Variants in LTF observed in about 807,000 individuals in gnomAD.
LTF encodes the protein epididymis luminal protein 110.
Under a neutral mutation model 87.2 loss-of-function variants are expected in LTF, and 91 were observed. The observed-to-expected ratio is 1.04, with a 90% CI of 0.88 to 1.24. The LOEUF (loss-of-function observed/expected upper bound fraction) is 1.24. Among genes scored for constraint, LTF ranks in the 50% most tolerant of loss-of-function variants. The probability of loss-of-function intolerance (pLI) is 0.00; values close to 1 mark genes in which losing one functional copy is unlikely to be tolerated. For missense variants in LTF, 901 were observed against 904.3 expected (o/e 1.00, Z 0.05); for synonymous variants, 378 against 356.1 (o/e 1.06, Z -0.69).
At chr3:46,448,366 C>T (rs1702707210) in intron 9 of LTF, among the ~76,000 whole-genome samples, 1 of 100,110 alleles carries the variant, frequency 1.0e-5, no homozygotes, top group Non-Finnish European at 2.0e-5. Flanking sequence ...GAATCTGTCT[C>T]TTAAAAAAAA....
chr3:46,439,985 G>A (rs1702479336), intron 14 of LTF, among the ~76,000 whole-genome samples: 1 of 152,170 alleles, frequency 6.6e-6, no homozygotes, highest in Non-Finnish European at 1.5e-5. Context: ...TATGGAGACA[G>A]AAAGTGGATT....
chr3:46,438,098 G>A lies in LTF; in HGVS notation c.1940C>T (p.Pro647Leu), dbSNP rs200322960. The change falls in exon 16 of 17, where the codon CCG becomes CTG. Residue 647 changes from proline to leucine, a missense_variant. By Grantham distance (98) the Pro-to-Leu change is moderately conservative. Coordinates refer to ENST00000231751, the MANE Select transcript of LTF (RefSeq NM_002343.6). The stretch of plus-strand genomic sequence containing the variant: ...AGACTGGAATAAGCAAAACTTGTCC[G>A]GGCAGTCAGATCCATTTCTCCCAAA... Reference protein sequence around the residue: ...AKFGRNGSDCPDKFCLFQSET... With the variant: ...AKFGRNGSDCLDKFCLFQSET... 210 of 1,613,578 alleles carry A rather than the reference G, an allele frequency of 1.3e-4. No individual in the cohort carries two copies. The highest frequency in any genetic ancestry group is 4.8e-4 in the Admixed American group (29 of 59,884).
At chr3:46,440,524 C>T (rs1174857354) in intron 14 of LTF, among the ~76,000 whole-genome samples, 2 of 152,162 alleles carry the variant, frequency 1.3e-5, no homozygotes, top group Non-Finnish European at 2.9e-5. Flanking sequence ...GTGCAGATGC[C>T]GGCTCATTGT....
At chr3:46,448,704 A>T (rs771731553) in intron 9 of LTF, among the ~76,000 whole-genome samples, 159 bp downstream of exon 9, 3 of 152,156 alleles carry the variant, frequency 2.0e-5, no homozygotes, top group African/African-American at 7.2e-5. Context: ...TGCTTTTTGA[A>T]ACTAAAATGC....
In LTF at chr3:46,450,527, C is replaced by A. The variant is rs749807712; in HGVS notation, c.850G>T (p.Asp284Tyr). Residue 284 changes from aspartate to tyrosine, a missense_variant, in exon 7 of 17, where the codon GAT becomes TAT. Physicochemically the swap from Asp to Tyr is radical, Grantham distance 160. Coordinates refer to ENST00000231751, the MANE Select transcript of LTF (RefSeq NM_002343.6). ...TGGCGGAGAAGATTCCAGATGGCAT[C>A]CTCCTTGCCATTCACACTTCGTGCC... ...VVARSVNGKE[D>Y]AIWNLLRQAQ... is the part of the protein sequence containing the mutation. 6.2e-7 allele frequency: 1 copy of A among 1,613,684 alleles called. No homozygotes were observed. The highest frequency in any genetic ancestry group is 2.2e-5 in the East Asian group (1 of 44,872).
chr3:46,454,443 C>T, intron 5 of LTF, 83 bp from the exon 6 acceptor site: 4 of 1,172,840 alleles, frequency 3.4e-6, no homozygotes, highest in Non-Finnish European at 5.1e-6. Context: ...TGGCACTCAG[C>T]ATCTATGGGT....
chr3:46,466,750 C>A (rs1464642855), upstream of LTF, among the ~76,000 whole-genome samples: 1 of 152,178 alleles, frequency 6.6e-6, no homozygotes, highest in Non-Finnish European at 1.5e-5. Context: ...GCAATAAGTT[C>A]TTTCAAAAAT....
chr3:46,467,664 T>A (rs1422378473), upstream of LTF, among the ~76,000 whole-genome samples: 2 of 112,154 alleles, frequency 1.8e-5, no homozygotes, highest in East Asian at 6.2e-4. Context: ...TTTTTTTTTT[T>A]ACCGACAGGG....
Position 46,447,324 on chromosome 3 carries a change from G to T in LTF, c.1287C>A (p.Val429=), listed in dbSNP as rs149744272. The stretch of plus-strand genomic sequence containing the variant: ...TCCACTTACTGTAGTTCTCTGCCAG[G>T]ACAGGCACCAAACCACATTTGCCTG... ...YTAGKCGLVP[V]LAENYKSQQS... Residue 429 remains valine (V), a synonymous_variant, in exon 10 of 17, where the codon GTC becomes GTA. Transcript: ENST00000231751. 1 of 1,613,778 alleles carries T rather than the reference G, an allele frequency of 6.2e-7. No homozygotes were observed. Among genetic ancestry groups the T allele is most frequent in the Non-Finnish European group, 8.5e-7 (1 of 1,179,802 alleles).
chr3:46,440,728 G>A (rs111318975), intron 14 of LTF, among the ~76,000 whole-genome samples: 9,073 of 152,244 alleles, frequency 0.06, 916 homozygotes, highest in African/African-American at 0.21. Flanking sequence ...GAAGGAGGGA[G>A]GCCGAAAGTG....
chr3:46,479,061 A>C (rs1267495967), intron 1 of LTF, among the ~76,000 whole-genome samples: 1 of 152,254 alleles, frequency 6.6e-6, no homozygotes, highest in Non-Finnish European at 1.5e-5. Flanking sequence ...CCCCAAGGGC[A>C]ACAGACAAGG....
At chr3:46,480,759 A>C (rs1474650472) in intron 1 of LTF, among the ~76,000 whole-genome samples, 1 of 152,228 alleles carries the variant, frequency 6.6e-6, no homozygotes, top group East Asian at 1.9e-4. Context: ...CACCATTGTC[A>C]GTACACAAAA....
Position 46,443,488 on chromosome 3 carries a change from G to A in LTF, c.1608C>T (p.Cys536=), listed in dbSNP as rs376334318. ...AGTATCTCTCGTTGCTGTTGGGCACGCACTTATTCTCACCCTGCTCGTCGC... is the reference window on the plus strand; with the variant it reads ...AGTATCTCTCGTTGCTGTTGGGCACACACTTATTCTCACCCTGCTCGTCGC... ...CIGDEQGENK[C]VPNSNERYYG... is the part of the protein sequence containing the mutation. The change falls in exon 13 of 17, where the codon TGC becomes TGT. Residue 536 remains cysteine (C), a synonymous_variant. Transcript: ENST00000231751. 1.7e-4 allele frequency: 275 copies of A among 1,614,148 alleles called. No homozygotes were observed. The highest frequency in any genetic ancestry group is 5.5e-4 in the South Asian group (50 of 91,086).
chr3:46,472,527 T>TGTGTGAGA (rs1402389714), intron 1 of LTF, among the ~76,000 whole-genome samples: 9 of 130,826 alleles, frequency 6.9e-5, no homozygotes, highest in South Asian at 4.9e-4. Flanking sequence ...TGTGTGTGTG[T>TGTGTGAGA]GAGAGAGAGA....
chr3:46,477,400 AG>A (rs1312653953), intron 1 of LTF, among the ~76,000 whole-genome samples: 2 of 152,212 alleles, frequency 1.3e-5, no homozygotes, highest in Non-Finnish European at 2.9e-5. Context: ...CCTGCATTCT[AG>A]GCGACTCCCT....
Position 46,479,700 on chromosome 3 carries a change from T to A in LTF, c.-320+5286A>T, listed in dbSNP as rs142444317. On this transcript the variant is annotated intron_variant, in intron 1 of 19. Transcript: ENST00000443496. ...CACCACCCCTGGCTAATTTTTGTAT[T>A]TTTAGTAGAGACGGGGTTTCACCAT... Among the ~76,000 whole-genome samples the A allele has an allele frequency of 4.5e-3, 688 of 152,232 alleles. 10 individuals carry two copies. Among genetic ancestry groups the A allele is most frequent in the African/African-American group, 0.016 (649 of 41,530 alleles).
chr3:46,462,868 A>ACCGGCTTG (rs368154104), intron 1 of LTF, among the ~76,000 whole-genome samples: 2 of 151,848 alleles, frequency 1.3e-5, no homozygotes, highest in Admixed American at 6.6e-5. Context: ...GGAGAGAGTA[A>ACCGGCTTG]AATGGAAGAC....
chr3:46,455,528 G>T, intron 4 of LTF, 86 bp from the exon 5 acceptor site: 1 of 1,522,796 alleles, frequency 6.6e-7, no homozygotes, highest in African/African-American at 1.4e-5. Flanking sequence ...GTCTCCGTGG[G>T]CAAGGCCCCT....
upstream of LTF, among the ~76,000 whole-genome samples, chr3:46,466,246 CA>C (rs369166941): frequency 6.6e-3 from 911 of 137,114 alleles, 18 homozygotes; most frequent in Middle Eastern, 3.6e-3. Context: ...TAACCCCCAC[CA>C]AAAAAAAAAA....
Sources: gnomAD v4.1 joint callset for allele counts (sites outside exome capture counted in the v4.1 genomes callset) on GRCh38, gnomAD v4.1.1 for gene constraint, MANE v1.5 for transcripts, NCBI Gene and HGNC (gene_info 2026-07-23, HGNC 2026-07-21) for gene names.